The following OTUD7B variants were observed in gnomAD, a reference collection of about 807,000 sequenced individuals.
The protein encoded by OTUD7B is OTU domain-containing protein 7B.
OTUD7B carries 34 observed loss-of-function variants against 82.2 expected under a neutral mutation model. That is an observed-to-expected ratio of 0.41 (90% CI 0.31 to 0.55). OTUD7B has a LOEUF of 0.55. OTUD7B is among the 20% of genes least tolerant of loss of function. OTUD7B has a pLI of 0.20. For synonymous variants in OTUD7B, 398 were observed against 402.7 expected (o/e 0.99, Z 0.14); for missense variants, 944 against 1,062.1 (o/e 0.89, Z 1.55).
chr1:149,949,752 T>G lies in OTUD7B; in HGVS notation c.1000A>C (p.Ile334Leu), dbSNP rs781867641. 3.1e-5 allele frequency: 50 copies of G among 1,614,024 alleles called. No individual in the cohort carries two copies. Among genetic ancestry groups the G allele is most frequent in the Non-Finnish European group, 4.2e-5 (49 of 1,180,032 alleles). ...EAFAPIPFGG[I>L]YLPLEVPASQ... ...GCTGGGACCTCCAAAGGCAGATAGA[T>G]TCCTCCAAAGGGAATAGGGGCAAAT... Residue 334 changes from isoleucine (I) to leucine (L), a missense_variant, in exon 9 of 12, where the codon ATC (isoleucine) becomes CTC (leucine). Ile to Leu is a conservative substitution (Grantham distance 5). Coordinates refer to ENST00000581312, the MANE Select transcript of OTUD7B (RefSeq NM_020205.4).
intron 7 of OTUD7B, among the ~76,000 whole-genome samples, chr1:149,958,877 T>C (rs1648923984): frequency 6.7e-6 from 1 of 150,242 alleles, no homozygotes; most frequent in Admixed American, 6.7e-5. Context: ...CCCAAGTAGC[T>C]GGGACTATAG....
chr1:149,992,465 G>GTGTTT lies in OTUD7B; in HGVS notation c.-66-14894_-66-14890dup, dbSNP rs1651639732. ...TATATCTAAATTGTTTTGTGTGCAT[G>GTGTTT]TGTTTTTTTTTTTTTTTTTTTTTTT... On this transcript the variant is annotated intron_variant, in intron 1 of 11. Coordinates refer to ENST00000581312, the MANE Select transcript of OTUD7B (RefSeq NM_020205.4). 3.0e-4 allele frequency among the ~76,000 whole-genome samples: 14 copies of GTGTTT among 45,946 alleles called. 2 individuals carry two copies. Among genetic ancestry groups the GTGTTT allele is most frequent in the Admixed American group, 1.2e-3 (4 of 3,450 alleles). The allele number at this position is 45,946 out of a possible 152,430, so 30.1% of individuals were successfully genotyped here.
chr1:150,047,370 C>A, the OTUD7B span, among the ~76,000 whole-genome samples: 2 of 152,192 alleles, frequency 1.3e-5, no homozygotes, highest in Non-Finnish European at 2.9e-5. Flanking sequence ...AACACTCCCC[C>A]CAACCTCCTT....
chr1:150,045,709 A>G, the OTUD7B span, among the ~76,000 whole-genome samples: 6 of 152,336 alleles, frequency 3.9e-5, no homozygotes, highest in South Asian at 8.3e-4. Context: ...ATTAAATAGC[A>G]AAAACAAACT....
the OTUD7B span, among the ~76,000 whole-genome samples, chr1:150,044,677 AATAATAATG>A: frequency 1.3e-5 from 2 of 149,564 alleles, no homozygotes; most frequent in African/African-American, 5.0e-5. Flanking sequence ...CTCAAAAAAT[AATAATAATG>A]ATAATAATAA....
chr1:150,031,635 T>C, the OTUD7B span, among the ~76,000 whole-genome samples: 1 of 151,996 alleles, frequency 6.6e-6, no homozygotes, highest in Non-Finnish European at 1.5e-5. Context: ...AACATTTTGG[T>C]TTTAATATAG....
intron 1 of OTUD7B, among the ~76,000 whole-genome samples, chr1:149,987,652 T>C (rs894947477): frequency 2.6e-5 from 4 of 152,120 alleles, no homozygotes; most frequent in African/African-American, 9.7e-5. Context: ...CCTCCCTGTA[T>C]CTTTCCTTTA....
At chr1:150,012,357 A>G (rs7523560), upstream of OTUD7B, among the ~76,000 whole-genome samples, 2,942 of 152,236 alleles carry the variant, frequency 0.019, 80 homozygotes, top group African/African-American at 0.064. Flanking sequence ...TAGAATGAAA[A>G]GACTGAAATT....
intron 1 of OTUD7B, among the ~76,000 whole-genome samples, chr1:149,987,941 C>T (rs1270417299): frequency 1.3e-5 from 2 of 152,174 alleles, no homozygotes; most frequent in East Asian, 1.9e-4. Flanking sequence ...CAATTTCATA[C>T]ATATTTACTG....
chr1:150,060,560 G>A, the OTUD7B span, among the ~76,000 whole-genome samples: 4 of 152,150 alleles, frequency 2.6e-5, no homozygotes, highest in African/African-American at 9.7e-5. Context: ...CTTCGTTATT[G>A]CAGCCCTCTC....
In OTUD7B at chr1:149,964,280, A is replaced by C. The variant is rs782599522; in HGVS notation, c.674T>G (p.Val225Gly). Residue 225 changes from valine (V) to glycine (G), a missense_variant, in exon 6 of 12, where the codon GTT becomes GGT. By Grantham distance (109) the Val-to-Gly change is moderately radical (BLOSUM62 -3). This residue lies in a region of OTUD7B where 530 missense variants were observed against 625.6 expected (regional missense o/e 0.85). Coordinates refer to ENST00000581312, the MANE Select transcript of OTUD7B (RefSeq NM_020205.4). Reference protein sequence around the residue: ...KALYALMEKGVEKEALKRRWR... With the variant: ...KALYALMEKGGEKEALKRRWR... The stretch of plus-strand genomic sequence containing the variant: ...GCGCCTTTTCAACGCTTCCTTCTCA[A>C]CTCCCTTCTCCATCAGTGCATACAA... 1.9e-6 allele frequency: 3 copies of C among 1,613,488 alleles called. No homozygotes were observed. Among genetic ancestry groups the C allele is most frequent in the Non-Finnish European group, 8.5e-7 (1 of 1,179,858 alleles).
At chr1:149,953,280 C>T (rs1334877921) in intron 7 of OTUD7B, among the ~76,000 whole-genome samples, 3 of 152,140 alleles carry the variant, frequency 2.0e-5, no homozygotes, top group Non-Finnish European at 4.4e-5. Context: ...AGCCAGTTTT[C>T]CCAGCACCAT....
At chr1:150,016,873 C>A in the OTUD7B span, among the ~76,000 whole-genome samples, 2 of 152,216 alleles carry the variant, frequency 1.3e-5, no homozygotes, top group South Asian at 4.1e-4. Context: ...CAGTAAGAGA[C>A]AGCTTGAGCT....
chr1:149,970,968 A>G, intron 3 of OTUD7B, 95 bp downstream of exon 3: 1 of 1,160,614 alleles, frequency 8.6e-7, no homozygotes, highest in Non-Finnish European at 1.2e-6. Context: ...GAAGAAATGG[A>G]ATCACCTCCA....
upstream of OTUD7B, among the ~76,000 whole-genome samples, chr1:150,012,529 A>G (rs868990278): frequency 6.6e-6 from 1 of 152,180 alleles, no homozygotes; most frequent in Middle Eastern, 3.2e-3. Flanking sequence ...GAACCAGGTT[A>G]TACCCATATA....
chr1:150,010,198 G>A (rs1652944427), intron 1 of OTUD7B, among the ~76,000 whole-genome samples: 1 of 151,962 alleles, frequency 6.6e-6, no homozygotes, highest in African/African-American at 2.4e-5. Context: ...AGCTCAGGAA[G>A]GGAGGCCGGG....
At position 149,937,875 on chromosome 1, in the gene OTUD7B, G is replaced by C. The variant is rs1553769539; in HGVS notation, c.*5982C>G. On this transcript the variant is annotated 3_prime_UTR_variant, in exon 12 of 12. Coordinates refer to ENST00000581312, the MANE Select transcript of OTUD7B (RefSeq NM_020205.4). ...TACAGAGGCAGCAATCCTTAGATGG[G>C]GGCCCCAGTTTTCCAAAGTGACACT... 6.6e-6 allele frequency: 1 copy of C among 152,136 alleles called. No homozygotes were observed. Among genetic ancestry groups the C allele is most frequent in the African/African-American group, 2.4e-5 (1 of 41,396 alleles). 9.4% of individuals were successfully genotyped at this position (152,136 alleles called of 1,614,324 possible).
At chr1:149,988,967 C>T (rs1159711864) in intron 1 of OTUD7B, among the ~76,000 whole-genome samples, 1 of 152,160 alleles carries the variant, frequency 6.6e-6, no homozygotes, top group African/African-American at 2.4e-5. Context: ...AACATTTATT[C>T]AGTAGCTGAC....
At chr1:150,000,362 C>A (rs1553784440) in intron 1 of OTUD7B, among the ~76,000 whole-genome samples, 5 of 152,056 alleles carry the variant, frequency 3.3e-5, no homozygotes, top group Non-Finnish European at 1.5e-5. Context: ...GTAGTCCCAG[C>A]TACTTGGGAG....
Sources: gnomAD v4.1 joint callset for allele counts (sites outside exome capture counted in the v4.1 genomes callset) on GRCh38, gnomAD v4.1.1 for gene constraint, gnomAD v4.1.1 regional missense constraint, MANE v1.5 for transcripts, NCBI Gene and HGNC (gene_info 2026-07-23, HGNC 2026-07-21) for gene names.